Variants in PSD observed in about 807,000 individuals in gnomAD.
The protein encoded by PSD is pleckstrin and Sec7 domain containing.
In PSD, 32 loss-of-function variants were observed where a neutral mutation model predicts 91.6. The observed-to-expected ratio is 0.35, with a 90% CI of 0.26 to 0.47. PSD has a LOEUF of 0.47. Among genes scored for constraint, PSD ranks in the 20% least tolerant of loss-of-function variants. PSD has a pLI of 1.00. For synonymous variants in PSD, 532 were observed against 569.3 expected (o/e 0.93, Z 0.93); for missense variants, 1,099 against 1,373.9 (o/e 0.80, Z 3.16).
In PSD at chr10:102,403,991, G is replaced by A. The variant is rs768681873; in HGVS notation, c.2701-6C>T. ...TGGGTCCGCACCTGCTCCTCCTAGCGGCCAGGGGGAGGCATGGTCATGGTC... is the reference window on the plus strand; with the variant it reads ...TGGGTCCGCACCTGCTCCTCCTAGCAGCCAGGGGGAGGCATGGTCATGGTC... On this transcript the variant is annotated splice_region_variant and splice_polypyrimidine_tract_variant and intron_variant, in intron 15 of 16. Coordinates refer to ENST00000020673, the MANE Select transcript of PSD (RefSeq NM_002779.5). The surrounding 1 kb of genome is among the most constrained non-coding windows in gnomAD (Gnocchi z 6.7). 2.5e-4 allele frequency: 385 copies of A among 1,547,368 alleles called. No individual in the cohort carries two copies. The highest frequency in any genetic ancestry group is 2.9e-4 in the Non-Finnish European group (333 of 1,148,460).
In PSD at chr10:102,405,677, G is replaced by GT; in HGVS notation, c.2136-142dup. 1.3e-6 allele frequency: 1 copy of GT among 755,914 alleles called. No homozygotes were observed. Among genetic ancestry groups the GT allele is most frequent in the South Asian group, 1.8e-5 (1 of 55,100 alleles). The allele number at this position is 755,914 out of a possible 1,614,324, so 46.8% of individuals were successfully genotyped here. On this transcript the variant is annotated intron_variant, in intron 11 of 16. Coordinates refer to ENST00000020673, the MANE Select transcript of PSD (RefSeq NM_002779.5). This position sits in a 1 kb window ranked among gnomAD's most constrained non-coding sequence, Gnocchi z 5.4. ...ACCTGAGGGTCCTGCCATGTCTCCC[G>GT]TCTCAGATCAGGCCTCCACAATGTG...
chr10:102,416,815 G>A lies in PSD; in HGVS notation c.224C>T (p.Ser75Leu), dbSNP rs748273396. The A allele has an allele frequency of 3.8e-6, 6 of 1,599,140 alleles. No homozygotes were observed. Among genetic ancestry groups the A allele is most frequent in the Non-Finnish European group, 4.3e-6 (5 of 1,172,314 alleles). Reference protein sequence around the residue: ...APCTPLRGPPSPRVAPSPWAP... With the variant: ...APCTPLRGPPLPRVAPSPWAP... ...CCAGGGTGAGGGAGCAACACGGGGT[G>A]AGGGGGGGCCACGCAGAGGTGTACA... Residue 75 changes from serine to leucine, a missense_variant, in exon 2 of 17, where the codon TCA becomes TTA. Ser to Leu is a moderately radical substitution (Grantham distance 145). Transcript: ENST00000020673. This position sits in a 1 kb window ranked among gnomAD's most constrained non-coding sequence, Gnocchi z 6.0.
chr10:102,407,178 T>A (rs746502645), intron 11 of PSD, 45 bp downstream of exon 11: 58 of 1,565,458 alleles, frequency 3.7e-5, no homozygotes, highest in Non-Finnish European at 4.9e-5. Context: ...GGCAGCCCCT[T>A]CCCCATGCCC....
Position 102,416,496 on chromosome 10 carries a change from G to C in PSD, c.543C>G (p.Pro181=), listed in dbSNP as rs1468342444. 20 of 1,613,210 alleles carry C rather than the reference G, an allele frequency of 1.2e-5. No individual in the cohort carries two copies. Among genetic ancestry groups the C allele is most frequent in the Non-Finnish European group, 1.5e-5 (18 of 1,179,686 alleles). The change falls in exon 2 of 17, where the codon CCC becomes CCG. Residue 181 remains proline (P), a synonymous_variant. Transcript: ENST00000020673. This position sits in a 1 kb window ranked among gnomAD's most constrained non-coding sequence, Gnocchi z 6.0. The stretch of plus-strand genomic sequence containing the variant: ...AGTAAAGGCCATCTGCTCCAACCTG[G>C]GGTGGGGCTGGCGGCCCATGTACAA... ...RNLVHGPPAP[P]QVGADGLYSS...
chr10:102,412,627 C>G, intron 5 of PSD, 52 bp from the exon 6 acceptor site: 3 of 1,498,872 alleles, frequency 2.0e-6, no homozygotes, highest in Non-Finnish European at 2.7e-6. Context: ...TAGGAGCCAT[C>G]CAGACCCTCC....
intron 8 of PSD, 62 bp downstream of exon 8, chr10:102,411,645 G>A: frequency 7.9e-7 from 1 of 1,262,502 alleles, no homozygotes; most frequent in South Asian, 1.2e-5. Context: ...CACACACACA[G>A]GGCCCAGCCC....
chr10:102,410,372 A>G lies in PSD; in HGVS notation c.2091+486T>C, dbSNP rs1254851313. On this transcript the variant is annotated intron_variant, in intron 10 of 16. Transcript: ENST00000020673. This position sits in a 1 kb window ranked among gnomAD's most constrained non-coding sequence, Gnocchi z 6.0. ...CAGCTTTGCGCTAACTCGCTGCCAG[A>G]CCTTGGAAAAGCTTAGTCCCTCTCA... Among the ~76,000 whole-genome samples the G allele has an allele frequency of 1.3e-5, 2 of 152,218 alleles. No individual in the cohort carries two copies. Among genetic ancestry groups the G allele is most frequent in the Non-Finnish European group, 2.9e-5 (2 of 68,024 alleles).
At chr10:102,417,317 G>T (rs2061492792) in intron 1 of PSD, among the ~76,000 whole-genome samples, 196 bp from the exon 2 acceptor site, 1 of 152,114 alleles carries the variant, frequency 6.6e-6, no homozygotes, top group African/African-American at 2.4e-5. Flanking sequence ...TATACACCCA[G>T]TGGGCCCCTG....
In PSD at chr10:102,409,526, G is replaced by A. The variant is rs1238382863; in HGVS notation, c.2091+1332C>T. Among the ~76,000 whole-genome samples, 1 of 152,126 alleles carries A rather than the reference G, an allele frequency of 6.6e-6. No individual in the cohort carries two copies. Among genetic ancestry groups the A allele is most frequent in the Non-Finnish European group, 1.5e-5 (1 of 68,012 alleles). ...TCCCTTCTGGCTGGTCTGGGTTGGG[G>A]TGGTGGGAGGGGAGAGGTCGGACCG... is the stretch of plus-strand genomic sequence containing the variant. On this transcript the variant is annotated intron_variant, in intron 10 of 16. Coordinates refer to ENST00000020673, the MANE Select transcript of PSD (RefSeq NM_002779.5). The surrounding 1 kb of genome is among the most constrained non-coding windows in gnomAD (Gnocchi z 5.7).
chr10:102,409,248 CGCGGCG>C lies in PSD; in HGVS notation c.2091+1604_2091+1609del, dbSNP rs1001114558. The C allele has an allele frequency of 1.9e-5, 19 of 984,412 alleles. No individual in the cohort carries two copies. In the East Asian group the frequency reaches 1.3e-3, roughly 65 times the overall value. The allele number at this position is 984,412 out of a possible 1,614,324, so 61.0% of individuals were successfully genotyped here. A position where few individuals can be genotyped will look rare whatever the true frequency, so the allele number is the denominator to read the frequency against. On this transcript the variant is annotated intron_variant, in intron 10 of 16. Transcript: ENST00000020673. The surrounding 1 kb of genome is among the most constrained non-coding windows in gnomAD (Gnocchi z 5.7). ...CCGGCTCTCACGGACGCACGGAGTGCGCGGCGGCGGCGGCGGCGCTGTCTGCTCTGC... is the reference window on the plus strand; with the variant it reads ...CCGGCTCTCACGGACGCACGGAGTGCGCGGCGGCGGCGCTGTCTGCTCTGC...
At chr10:102,418,507 C>G (rs1169233593) in intron 1 of PSD, among the ~76,000 whole-genome samples, 194 bp downstream of exon 1, 1 of 152,130 alleles carries the variant, frequency 6.6e-6, no homozygotes, top group African/African-American at 2.4e-5. Flanking sequence ...TATTCCTCTC[C>G]TCTCCCTCTC....
rs1467507953 is a variant in PSD at position 102,410,889 on chromosome 10, T to G, written c.2060A>C (p.Asp687Ala). The change falls in exon 10 of 17, where the codon GAT becomes GCT. Residue 687 changes from aspartate to alanine, a missense_variant. Asp to Ala is a moderately radical substitution (Grantham distance 126). This residue lies in a region of PSD where 110 missense variants were observed against 218.7 expected (regional missense o/e 0.50). Transcript: ENST00000020673. The surrounding 1 kb of genome is among the most constrained non-coding windows in gnomAD (Gnocchi z 6.0). ...CAGCTCCCTAGGGAAGTCGCCGCCA[T>G]CATTGAGGCCCTCCAGGTTCCCGAT... ...DFIGNLEGLN[D>A]GGDFPRELLK... 1 of 1,613,016 alleles carries G rather than the reference T, an allele frequency of 6.2e-7. No individual in the cohort carries two copies. The highest frequency in any genetic ancestry group is 1.3e-5 in the African/African-American group (1 of 74,786).
At position 102,403,921 on chromosome 10, in the gene PSD, C is replaced by T. The variant is rs751867161; in HGVS notation, c.2765G>A (p.Arg922Gln). 20 of 1,593,396 alleles carry T rather than the reference C, an allele frequency of 1.3e-5. No individual in the cohort carries two copies. The highest frequency in any genetic ancestry group is 1.7e-4 in the Middle Eastern group (1 of 6,028). The change falls in exon 16 of 17, where the codon CGG becomes CAG. Residue 922 changes from arginine to glutamine, a missense_variant. This residue lies in a region of PSD where 358 missense variants were observed against 426.5 expected (regional missense o/e 0.84). Coordinates refer to ENST00000020673, the MANE Select transcript of PSD (RefSeq NM_002779.5). The surrounding 1 kb of genome is among the most constrained non-coding windows in gnomAD (Gnocchi z 6.7). ...GCCCTTCTTGCCCAGCTGGGCGGCC[C>T]GGTGCTCCCGCAGCTCACTTGCCAT... is the stretch of plus-strand genomic sequence containing the variant. ...KAMASELREH[R>Q]AAQLGKKGRG...
Position 102,409,293 on chromosome 10 carries a change from C to T in PSD, c.2091+1565G>A. ...TGTCTGCTCTGCGGCTTGGCTAGAG[C>T]GGGAGGGGGGCGCCGACGGGAAAGG... On this transcript the variant is annotated intron_variant, in intron 10 of 16. Coordinates refer to ENST00000020673, the MANE Select transcript of PSD (RefSeq NM_002779.5). The surrounding 1 kb of genome is among the most constrained non-coding windows in gnomAD (Gnocchi z 5.7). 1 of 985,312 alleles carries T rather than the reference C, an allele frequency of 1.0e-6. No homozygotes were observed. Among genetic ancestry groups the T allele is most frequent in the Non-Finnish European group, 1.2e-6 (1 of 829,646 alleles). The allele number at this position is 985,312 out of a possible 1,614,324, so 61.0% of individuals were successfully genotyped here.
intron 6 of PSD, 60 bp from the exon 7 acceptor site, chr10:102,412,287 G>A: frequency 6.2e-7 from 1 of 1,607,448 alleles, no homozygotes; most frequent in South Asian, 1.1e-5. Flanking sequence ...GGTCAGGTGG[G>A]GATTACCCAA....
chr10:102,412,285 G>A (rs2061433038), intron 6 of PSD, 58 bp from the exon 7 acceptor site: 1 of 1,610,320 alleles, frequency 6.2e-7, no homozygotes, highest in South Asian at 1.1e-5. Context: ...GGGGTCAGGT[G>A]GGGATTACCC....
chr10:102,417,505 C>T (rs2061495118), intron 1 of PSD, among the ~76,000 whole-genome samples: 1 of 152,076 alleles, frequency 6.6e-6, no homozygotes, highest in Non-Finnish European at 1.5e-5. Flanking sequence ...TCATACAGCC[C>T]TGTGACCCCT....
chr10:102,402,634 T>G lies in PSD; in HGVS notation c.*566A>C. The G allele has an allele frequency of 2.3e-6, 1 of 435,220 alleles. No homozygotes were observed. The allele number at this position is 435,220 out of a possible 1,614,324, so 27.0% of individuals were successfully genotyped here. A position where few individuals can be genotyped will look rare whatever the true frequency, so the allele number is the denominator to read the frequency against. The stretch of plus-strand genomic sequence containing the variant: ...GGCCCAGCCAGCAAGTCCAGAGCAG[T>G]TTTAATGGGGGTGGAGGCTGTACAA... On this transcript the variant is annotated 3_prime_UTR_variant, in exon 17 of 17. Coordinates refer to ENST00000020673, the MANE Select transcript of PSD (RefSeq NM_002779.5).
rs200611985 is a variant in PSD, at chr10:102,405,014, G to A, written c.2439C>T (p.Leu813=). ...KPGKALSETE[L]KNAISIHHAL... is the part of the protein sequence containing the mutation. ...CATGGTGGATGCTGATGGCATTCTT[G>A]AGCTCCGTCTCTGAAAGGGCCTTCC... The change falls in exon 14 of 17, where the codon CTC becomes CTT. Residue 813 remains leucine (L), a synonymous_variant. Coordinates refer to ENST00000020673, the MANE Select transcript of PSD (RefSeq NM_002779.5). The surrounding 1 kb of genome is among the most constrained non-coding windows in gnomAD (Gnocchi z 5.4). 6.3e-5 allele frequency: 102 copies of A among 1,613,928 alleles called. No individual in the cohort carries two copies. The highest frequency in any genetic ancestry group is 4.9e-4 in the Middle Eastern group (3 of 6,084).
Sources: gnomAD v4.1 joint callset for allele counts (sites outside exome capture counted in the v4.1 genomes callset) on GRCh38, gnomAD v4.1.1 for gene constraint, gnomAD v4.1.1 regional missense constraint, Gnocchi (gnomAD v3.1) non-coding constraint, MANE v1.5 for transcripts, NCBI Gene and HGNC (gene_info 2026-07-23, HGNC 2026-07-21) for gene names.